Variants in SRGAP1 observed in about 807,000 individuals in gnomAD.
SRGAP1 encodes SLIT-ROBO Rho GTPase activating protein 1.
A neutral mutation model predicts 121.9 loss-of-function variants in SRGAP1; 43 were observed. The ratio of observed to expected loss-of-function variants is 0.35; its 90% CI spans 0.28 to 0.46. The LOEUF is 0.46. SRGAP1 is among the 20% of genes least tolerant of loss of function. The pLI is 1.00. For synonymous variants in SRGAP1, 447 were observed against 485.4 expected (o/e 0.92, Z 1.04); for missense variants, 1,102 against 1,350.9 (o/e 0.82, Z 2.89).
intron 1 of SRGAP1, among the ~76,000 whole-genome samples, chr12:63,859,418 C>A (rs2062510171): frequency 6.6e-6 from 1 of 152,190 alleles, no homozygotes; most frequent in Non-Finnish European, 1.5e-5. Context: ...ACACTCGCCT[C>A]AGCCTCCTAA....
At chr12:64,037,891 C>T (rs1163969629) in intron 4 of SRGAP1, among the ~76,000 whole-genome samples, 1 of 152,212 alleles carries the variant, frequency 6.6e-6, no homozygotes, top group Admixed American at 6.5e-5. Context: ...ATGTTGAATA[C>T]ATAAATATCT....
intron 8 of SRGAP1, among the ~76,000 whole-genome samples, chr12:64,066,582 T>C (rs1401259975): frequency 6.6e-6 from 1 of 152,218 alleles, no homozygotes; most frequent in Non-Finnish European, 1.5e-5. Context: ...TCTGTGTATT[T>C]GTTTCTGTTA....
intron 17 of SRGAP1, 24 bp downstream of exon 17, chr12:64,112,010 C>T (rs750943218): frequency 3.2e-6 from 5 of 1,567,636 alleles, no homozygotes; most frequent in Non-Finnish European, 4.4e-6. Context: ...TTTTAGTCCT[C>T]CTCTCCCACC....
intron 1 of SRGAP1, among the ~76,000 whole-genome samples, chr12:63,933,227 TATAATA>T (rs911129538): frequency 1.3e-5 from 2 of 151,464 alleles, no homozygotes; most frequent in East Asian, 1.9e-4. Context: ...AAACTTTAAG[TATAATA>T]ATAATAATAA....
chr12:64,148,228 C>A lies in SRGAP1; in HGVS notation c.*5556C>A, dbSNP rs936028331. On this transcript the variant is annotated 3_prime_UTR_variant, in exon 22 of 22. Transcript: ENST00000355086. ...TCATTTGAATAAATTGAAAAATAAT[C>A]CTTAGGTTATTTTTCTGTGCTTAGA... 1 of 151,370 alleles carries A rather than the reference C, an allele frequency of 6.6e-6. No homozygotes were observed. The highest frequency in any genetic ancestry group is 2.4e-5 in the African/African-American group (1 of 41,176). 9.4% of individuals were successfully genotyped at this position (151,370 alleles called of 1,614,324 possible). A position where few individuals can be genotyped will look rare whatever the true frequency, so the allele number is the denominator to read the frequency against.
rs138716667 is a variant in SRGAP1 at position 63,940,769 on chromosome 12, C to T, written c.68-43178C>T. 7.2e-5 allele frequency among the ~76,000 whole-genome samples: 11 copies of T among 152,294 alleles called. No individual in the cohort carries two copies. In the East Asian group the frequency reaches 1.9e-3, roughly 27 times the overall value. Reference sequence around the variant, plus strand: ...GTTTCTTACATTCCAGGGTTATCATCGTTGGAGGCAACATGCCTCAGAGTG... The same window carrying T: ...GTTTCTTACATTCCAGGGTTATCATTGTTGGAGGCAACATGCCTCAGAGTG... On this transcript the variant is annotated intron_variant, in intron 1 of 21. Transcript: ENST00000355086.
At chr12:64,000,278 A>AGTGTGTGTGT (rs1565630884) in intron 3 of SRGAP1, among the ~76,000 whole-genome samples, 7 of 92,440 alleles carry the variant, frequency 7.6e-5, no homozygotes, top group African/African-American at 2.5e-4. Context: ...GTGTGTGTAA[A>AGTGTGTGTGT]AAAAAAAAAC....
chr12:64,003,689 C>T (rs953514546), intron 3 of SRGAP1, among the ~76,000 whole-genome samples: 9 of 151,892 alleles, frequency 5.9e-5, no homozygotes, highest in Non-Finnish European at 1.0e-4. Context: ...TGAACAGAGC[C>T]TCAGGGACTT....
chr12:63,988,850 GC>G (rs1190455253), intron 2 of SRGAP1, among the ~76,000 whole-genome samples: 1 of 152,134 alleles, frequency 6.6e-6, no homozygotes, highest in Non-Finnish European at 1.5e-5. Flanking sequence ...TCGCCCTGTC[GC>G]CCAGGCTGGA....
intron 21 of SRGAP1, among the ~76,000 whole-genome samples, chr12:64,134,884 G>A (rs931544580): frequency 6.6e-6 from 1 of 151,984 alleles, no homozygotes; most frequent in African/African-American, 2.4e-5. Context: ...CCTCTTCATG[G>A]GTCACACTCT....
At chr12:64,026,345 A>G (rs2034652463) in intron 4 of SRGAP1, among the ~76,000 whole-genome samples, 2 of 152,212 alleles carry the variant, frequency 1.3e-5, no homozygotes, top group Non-Finnish European at 2.9e-5. Context: ...AAAATAAATT[A>G]GAGGCATTTT....
At chr12:63,954,045 G>C (rs954036348) in intron 1 of SRGAP1, among the ~76,000 whole-genome samples, 3 of 152,122 alleles carry the variant, frequency 2.0e-5, no homozygotes, top group Non-Finnish European at 4.4e-5. Flanking sequence ...TGGTAGCAGA[G>C]GCACTCACAT....
At chr12:63,889,420 C>G (rs1204482506) in intron 1 of SRGAP1, among the ~76,000 whole-genome samples, 1 of 152,124 alleles carries the variant, frequency 6.6e-6, no homozygotes, top group Non-Finnish European at 1.5e-5. Flanking sequence ...CGTTCCTATT[C>G]CTCTACTCAA....
chr12:63,913,584 C>A (rs985990289), intron 1 of SRGAP1, among the ~76,000 whole-genome samples: 7 of 149,914 alleles, frequency 4.7e-5, no homozygotes, highest in African/African-American at 1.7e-4. Context: ...AGGGTCAAGT[C>A]TTTTACAAAG....
intron 3 of SRGAP1, among the ~76,000 whole-genome samples, chr12:63,992,036 G>A (rs573227975): frequency 1.3e-5 from 2 of 152,288 alleles, no homozygotes; most frequent in East Asian, 3.9e-4. Flanking sequence ...AGGAGAAGGA[G>A]GCATTCATCT....
intron 4 of SRGAP1, among the ~76,000 whole-genome samples, chr12:64,026,913 A>G (rs1446695694): frequency 6.6e-6 from 1 of 152,062 alleles, no homozygotes. Flanking sequence ...TTTTGGAAGA[A>G]TATCTGGAAG....
At chr12:63,863,899 G>A (rs1899537706) in intron 1 of SRGAP1, among the ~76,000 whole-genome samples, 1 of 152,136 alleles carries the variant, frequency 6.6e-6, no homozygotes, top group South Asian at 2.1e-4. Flanking sequence ...AAATGGAAGC[G>A]AGGTACAGAA....
chr12:63,855,932 T>A (rs1899233764), intron 1 of SRGAP1, among the ~76,000 whole-genome samples: 1 of 152,144 alleles, frequency 6.6e-6, no homozygotes, highest in South Asian at 2.1e-4. Flanking sequence ...AAATATCTGC[T>A]CCCAGTCTGT....
intron 21 of SRGAP1, among the ~76,000 whole-genome samples, chr12:64,129,887 T>G (rs1258442510): frequency 6.6e-6 from 1 of 152,258 alleles, no homozygotes; most frequent in African/African-American, 2.4e-5. Flanking sequence ...AGTCCCTGTT[T>G]CCACGTGGTC....
Sources: gnomAD v4.1 joint callset for allele counts (sites outside exome capture counted in the v4.1 genomes callset) on GRCh38, gnomAD v4.1.1 for gene constraint, MANE v1.5 for transcripts, NCBI Gene and HGNC (gene_info 2026-07-23, HGNC 2026-07-21) for gene names.